Variants in SLC37A3 observed in about 807,000 individuals in gnomAD.
SLC37A3 encodes the protein solute carrier family 37 member 3, also known as sugar phosphate exchanger 3.
Under a neutral mutation model 67.1 loss-of-function variants are expected in SLC37A3, and 51 were observed. The ratio of observed to expected loss-of-function variants is 0.76; its 90% CI spans 0.61 to 0.96. The LOEUF (loss-of-function observed/expected upper bound fraction) is 0.96. Among genes scored for constraint, SLC37A3 ranks in the 40% least tolerant of loss-of-function variants. The probability of loss-of-function intolerance (pLI) is 0.00; values close to 1 mark genes in which losing one functional copy is unlikely to be tolerated. For synonymous variants in SLC37A3, 214 were observed against 231.4 expected (o/e 0.92, Z 0.68); for missense variants, 508 against 603.0 (o/e 0.84, Z 1.65).
At chr7:140,345,454 A>G (rs181668595) in intron 11 of SLC37A3, among the ~76,000 whole-genome samples, 191 bp from the exon 12 acceptor site, 1 of 152,356 alleles carries the variant, frequency 6.6e-6, no homozygotes, top group African/African-American at 2.4e-5. Flanking sequence ...GCTCAAGCTA[A>G]CAAGACTTCT....
chr7:140,342,251 A>G (rs915509103), intron 13 of SLC37A3, among the ~76,000 whole-genome samples: 1 of 152,180 alleles, frequency 6.6e-6, no homozygotes, highest in Non-Finnish European at 1.5e-5. Context: ...ACTAGCAATC[A>G]GACATCAGCA....
chr7:140,373,131 T>C (rs1797890227), intron 3 of SLC37A3, among the ~76,000 whole-genome samples: 1 of 152,062 alleles, frequency 6.6e-6, no homozygotes, highest in South Asian at 2.1e-4. Flanking sequence ...TTTGTATTTT[T>C]AGTAGACACA....
rs755414384 is a variant in SLC37A3, at chr7:140,380,338, T to C, written c.142A>G (p.Ile48Val). The C allele has an allele frequency of 2.4e-5, 39 of 1,613,516 alleles. 1 individual carries two copies. In the East Asian group the frequency reaches 7.8e-4, roughly 32 times the overall value. ...RKTFSNVKVSISEQWTPSAFN... is the reference protein window; with the variant it reads ...RKTFSNVKVSVSEQWTPSAFN... ...GCACTTGGGGTCCACTGCTCAGAGA[T>C]ACTGACTTTGACATTGCTAAATGTT... Residue 48 changes from isoleucine to valine, a missense_variant, in exon 3 of 15, where the codon ATC becomes GTC. By Grantham distance (29) the Ile-to-Val change is conservative. Coordinates refer to ENST00000326232, the MANE Select transcript of SLC37A3 (RefSeq NM_207113.3).
chr7:140,378,125 A>G (rs535303073), intron 3 of SLC37A3, among the ~76,000 whole-genome samples: 2 of 152,324 alleles, frequency 1.3e-5, no homozygotes, highest in South Asian at 4.1e-4. Context: ...CCAGAAATCT[A>G]GTGCCTAAAT....
At chr7:140,344,977 C>A (rs760688267) in intron 12 of SLC37A3, among the ~76,000 whole-genome samples, 14 of 152,022 alleles carry the variant, frequency 9.2e-5, no homozygotes, top group Non-Finnish European at 2.1e-4. Context: ...GGGCAGCAAT[C>A]AAAAATCGTA....
intron 1 of SLC37A3, among the ~76,000 whole-genome samples, chr7:140,385,500 A>G (rs1050358286): frequency 4.6e-5 from 7 of 152,192 alleles, no homozygotes; most frequent in Non-Finnish European, 8.8e-5. Flanking sequence ...ACACTGTAGT[A>G]TGTACTCCAG....
At chr7:140,346,079 C>T (rs1440188848) in intron 10 of SLC37A3, 109 bp from the exon 11 acceptor site, 1 of 773,992 alleles carries the variant, frequency 1.3e-6, no homozygotes, top group South Asian at 1.4e-5. Context: ...TGACACTAGT[C>T]TATCAAAAAA....
chr7:140,386,176 A>C (rs1303184624), intron 1 of SLC37A3, among the ~76,000 whole-genome samples: 1 of 151,854 alleles, frequency 6.6e-6, no homozygotes, highest in Non-Finnish European at 1.5e-5. Flanking sequence ...TGCAGCCTTG[A>C]CCTCTCAGGC....
Position 140,334,871 on chromosome 7 carries a change from AG to A in SLC37A3, c.*540del. The A allele has an allele frequency of 3.8e-6, 1 of 262,362 alleles. No homozygotes were observed. The highest frequency in any genetic ancestry group is 7.5e-6 in the Non-Finnish European group (1 of 132,482). The allele number at this position is 262,362 out of a possible 1,614,324, so 16.3% of individuals were successfully genotyped here. On this transcript the variant is annotated 3_prime_UTR_variant, in exon 15 of 15. Coordinates refer to ENST00000326232, the MANE Select transcript of SLC37A3 (RefSeq NM_207113.3). The stretch of plus-strand genomic sequence containing the variant: ...TGATCTTTCCCACCACAGTGAACAG[AG>A]GGATTCTTTGTCCAAGGCAGGCTTG...
At chr7:140,378,411 G>A (rs890853822) in intron 3 of SLC37A3, among the ~76,000 whole-genome samples, 2 of 152,258 alleles carry the variant, frequency 1.3e-5, no homozygotes, top group South Asian at 2.1e-4. Flanking sequence ...GTTAGGGTAC[G>A]TGATCTCTCT....
intron 1 of SLC37A3, among the ~76,000 whole-genome samples, chr7:140,388,000 G>T (rs1178305999): frequency 7.2e-6 from 1 of 138,568 alleles, no homozygotes; most frequent in Non-Finnish European, 1.5e-5. Context: ...TCTCAAAAAA[G>T]CAAAACCTAT....
At chr7:140,379,894 T>TA (rs34577025) in intron 3 of SLC37A3, 51,007 of 138,428 alleles carry the variant, frequency 0.37, 9,535 homozygotes, top group East Asian at 0.46. Context: ...ATACTCTGTT[T>TA]AAAAAAAAAA....
chr7:140,378,203 T>C (rs545282316), intron 3 of SLC37A3, among the ~76,000 whole-genome samples: 2 of 152,310 alleles, frequency 1.3e-5, no homozygotes, highest in African/African-American at 4.8e-5. Context: ...TCAGTGTCAC[T>C]AAACTACAGC....
At chr7:140,355,592 T>C in intron 7 of SLC37A3, 76 bp downstream of exon 7, 1 of 1,272,104 alleles carries the variant, frequency 7.9e-7, no homozygotes, top group Non-Finnish European at 1.1e-6. Flanking sequence ...CACAGTATTA[T>C]TTAATACATA....
intron 10 of SLC37A3, 138 bp downstream of exon 10, chr7:140,348,488 T>A: frequency 1.2e-6 from 1 of 803,602 alleles, no homozygotes; most frequent in Non-Finnish European, 1.8e-6. Flanking sequence ...TGAGTTTGGC[T>A]GTTTACTAGT....
At chr7:140,383,739 C>A (rs117919318) in intron 1 of SLC37A3, among the ~76,000 whole-genome samples, 4 of 151,966 alleles carry the variant, frequency 2.6e-5, no homozygotes, top group African/African-American at 7.2e-5. Flanking sequence ...TACAGTGGCA[C>A]GATCTCGACT....
At position 140,364,412 on chromosome 7, in the gene SLC37A3, A is replaced by G. The variant is rs373969349; in HGVS notation, c.371T>C (p.Leu124Ser). Reference protein sequence around the residue: ...VLSFGMCSSALVVFVFGALTE... With the variant: ...VLSFGMCSSASVVFVFGALTE... ...TAATAAGACCTTTCAACTTACCACT[A>G]ATGCAGAAGAGCACATGCCAAAAGA... The change falls in exon 5 of 15, where the codon TTA becomes TCA. Residue 124 changes from leucine (L) to serine (S), a missense_variant. Physicochemically the swap from Leu to Ser is moderately radical, Grantham distance 145. Coordinates refer to ENST00000326232, the MANE Select transcript of SLC37A3 (RefSeq NM_207113.3). 2.0e-5 allele frequency: 32 copies of G among 1,613,292 alleles called. No individual in the cohort carries two copies. The highest frequency in any genetic ancestry group is 4.0e-5 in the African/African-American group (3 of 74,870).
At chr7:140,394,225 T>C (rs1446187823) in intron 1 of SLC37A3, among the ~76,000 whole-genome samples, 1 of 151,956 alleles carries the variant, frequency 6.6e-6, no homozygotes, top group African/African-American at 2.4e-5. Flanking sequence ...AGCAGAACAC[T>C]GAATGCTTAC....
intron 1 of SLC37A3, among the ~76,000 whole-genome samples, chr7:140,384,233 G>A (rs1379183034): frequency 4.6e-5 from 7 of 152,078 alleles, no homozygotes; most frequent in Admixed American, 3.9e-4. Flanking sequence ...AGTGGGAGCC[G>A]GTTATAAATC....
Sources: allele counts gnomAD v4.1 joint callset (sites outside exome capture counted in the v4.1 genomes callset), GRCh38; gene constraint gnomAD v4.1.1; transcripts MANE v1.5; gene names NCBI Gene and HGNC (gene_info 2026-07-23, HGNC 2026-07-21).